KIF3C: variants seen among roughly 807,000 people sequenced by gnomAD.
The protein encoded by KIF3C is kinesin family member 3C.
Under a neutral mutation model 67.7 loss-of-function variants are expected in KIF3C, and 12 were observed. The ratio of observed to expected loss-of-function variants is 0.18; its 90% confidence interval spans 0.11 to 0.29. The LOEUF (loss-of-function observed/expected upper bound fraction) is 0.29. KIF3C is among the 10% of genes least tolerant of loss of function. The pLI is 1.00. For synonymous variants in KIF3C, 393 were observed against 426.2 expected, an observed-to-expected ratio of 0.92 and a Z score of 0.96; for missense variants, 789 against 1,059.6, an observed-to-expected ratio of 0.74 and a Z score of 3.55.
At chr2:25,960,244 A>C (rs1338196425) in intron 1 of KIF3C, among the ~76,000 whole-genome samples, 1 of 152,132 alleles carries the variant, frequency 6.6e-6, no homozygotes, top group Non-Finnish European at 1.5e-5. Flanking sequence ...TCTCAAAAAT[A>C]AATAAGCAAA....
At chr2:25,969,654 G>A (rs1254357912) in intron 1 of KIF3C, among the ~76,000 whole-genome samples, 2 of 151,898 alleles carry the variant, frequency 1.3e-5, no homozygotes, top group African/African-American at 4.8e-5. Flanking sequence ...AGAATTTAAA[G>A]ATGAAGTTAA....
chr2:25,974,657 T>C (rs1010020957), intron 1 of KIF3C, among the ~76,000 whole-genome samples: 2 of 152,024 alleles, frequency 1.3e-5, no homozygotes, highest in Non-Finnish European at 2.9e-5. Flanking sequence ...GCACTTCATA[T>C]AATAAGGCCA....
intron 1 of KIF3C, among the ~76,000 whole-genome samples, chr2:25,959,278 C>G (rs1663885755): frequency 6.6e-6 from 1 of 152,148 alleles, no homozygotes; most frequent in African/African-American, 2.4e-5. Flanking sequence ...CCTACTATTT[C>G]TCATAATAGA....
At chr2:25,965,598 C>T (rs909858177) in intron 1 of KIF3C, among the ~76,000 whole-genome samples, 10 of 151,816 alleles carry the variant, frequency 6.6e-5, no homozygotes, top group Non-Finnish European at 1.5e-5. Context: ...CAAATAGCCG[C>T]ATGAGCCACC....
At chr2:25,949,015 AATC>A (rs1034563221) in intron 5 of KIF3C, among the ~76,000 whole-genome samples, 3 of 152,236 alleles carry the variant, frequency 2.0e-5, no homozygotes, top group Non-Finnish European at 2.9e-5. Context: ...GAGGGAGGGA[AATC>A]ATCATAAAGG....
intron 5 of KIF3C, chr2:25,938,155 G>T (rs1663187421): frequency 4.2e-5 from 15 of 357,132 alleles, no homozygotes; most frequent in South Asian, 2.7e-4. Flanking sequence ...CTGAGGTCAG[G>T]AGTTCAAGAC....
At chr2:25,944,262 C>G (rs2149227438) in intron 5 of KIF3C, among the ~76,000 whole-genome samples, 1 of 149,146 alleles carries the variant, frequency 6.7e-6, no homozygotes, top group Admixed American at 6.7e-5. Context: ...TCTTGGAATT[C>G]TTTATTATAT....
At chr2:25,944,426 G>C (rs1385277310) in intron 5 of KIF3C, among the ~76,000 whole-genome samples, 2 of 147,054 alleles carry the variant, frequency 1.4e-5, no homozygotes, top group African/African-American at 5.1e-5. Flanking sequence ...TCACAGCTCA[G>C]TGAAGCCTCA....
rs1409086194 is a variant in KIF3C at position 25,930,613 on chromosome 2, C to A, written c.2007-550G>T. Among the ~76,000 whole-genome samples, 4 of 152,180 alleles carry A rather than the reference C, an allele frequency of 2.6e-5. No individual in the cohort carries two copies. The East Asian group carries it at 7.7e-4, about 29-fold the overall frequency. On this transcript the variant is annotated intron_variant, in intron 5 of 7. Transcript: ENST00000264712. ...AGTGCAATGGCATGATCTTGGCTCA[C>A]CACAACCTCTGCCTCCCGGGTTCAA...
chr2:25,941,339 A>G (rs1574481294), intron 5 of KIF3C, among the ~76,000 whole-genome samples: 1 of 152,014 alleles, frequency 6.6e-6, no homozygotes, highest in East Asian at 1.9e-4. Context: ...AAAAGAATCT[A>G]GGGTGGCTGG....
At position 25,981,870 on chromosome 2, in the gene KIF3C, C is replaced by G; in HGVS notation, c.48G>C (p.Arg16=). The G allele has an allele frequency of 1.3e-6, 2 of 1,593,694 alleles. No homozygotes were observed. The highest frequency in any genetic ancestry group is 1.7e-6 in the Non-Finnish European group (2 of 1,170,266). The part of the protein sequence containing the change: ...KASEALKVVA[R]CRPLSRKEEA... ...CCTCCTTCCTGCTGAGGGGGCGGCA[C>G]CGGGCCACCACCTTGAGGGCCTCGC... The change falls in exon 1 of 8, where the codon CGG becomes CGC. Residue 16 remains arginine (R), a synonymous_variant. Coordinates refer to ENST00000264712, the MANE Select transcript of KIF3C (RefSeq NM_002254.8). The surrounding 1 kb of genome is among the most constrained non-coding windows in gnomAD (Gnocchi z 8.2).
chr2:25,949,607 T>C (rs553695799), intron 5 of KIF3C, among the ~76,000 whole-genome samples: 20 of 152,106 alleles, frequency 1.3e-4, no homozygotes, highest in African/African-American at 4.6e-4. Context: ...CCACAACTAG[T>C]TGAGCACATT....
intron 1 of KIF3C, among the ~76,000 whole-genome samples, chr2:25,975,098 T>G (rs1191708873): frequency 2.0e-5 from 3 of 151,018 alleles, no homozygotes; most frequent in Non-Finnish European, 4.4e-5. Flanking sequence ...CTGGCCCAAC[T>G]CCAGCTGCCC....
intron 5 of KIF3C, among the ~76,000 whole-genome samples, chr2:25,936,036 A>G (rs1422740633): frequency 6.6e-6 from 1 of 151,924 alleles, no homozygotes; most frequent in Non-Finnish European, 1.5e-5. Context: ...GTAGTGAGCC[A>G]ACATCACGCC....
chr2:25,974,844 T>C (rs898523622), intron 1 of KIF3C, among the ~76,000 whole-genome samples: 4 of 151,832 alleles, frequency 2.6e-5, no homozygotes, highest in Non-Finnish European at 2.9e-5. Flanking sequence ...CTGACCAACA[T>C]GGAGAAACCC....
rs1663780211 is a variant in KIF3C at position 25,955,395 on chromosome 2, T to G, written c.1770+146A>C. On this transcript the variant is annotated intron_variant, in intron 3 of 7. Coordinates refer to ENST00000264712, the MANE Select transcript of KIF3C (RefSeq NM_002254.8). This position sits in a 1 kb window ranked among gnomAD's most constrained non-coding sequence, Gnocchi z 5.0. ...CCAGCCCCCGCCTCCTGCCTCCCCC[T>G]GTTGCTCACCCCCGAGGCCAAGCCA... 2.1e-5 allele frequency: 16 copies of G among 753,960 alleles called. No homozygotes were observed. The highest frequency in any genetic ancestry group is 3.6e-5 in the African/African-American group (2 of 55,872). The allele number at this position is 753,960 out of a possible 1,614,324, so 46.7% of individuals were successfully genotyped here.
intron 5 of KIF3C, among the ~76,000 whole-genome samples, chr2:25,931,904 G>C (rs561281216): frequency 6.7e-6 from 1 of 148,882 alleles, no homozygotes; most frequent in South Asian, 2.2e-4. Context: ...AAAGTACTGG[G>C]ATTACAGACG....
chr2:25,947,882 A>C (rs1018068835), intron 5 of KIF3C, among the ~76,000 whole-genome samples: 1 of 152,176 alleles, frequency 6.6e-6, no homozygotes, highest in Non-Finnish European at 1.5e-5. Context: ...AAAGGAAGAA[A>C]GTAAATTAAA....
chr2:25,962,986 A>G, intron 1 of KIF3C, among the ~76,000 whole-genome samples: 1 of 54,434 alleles, frequency 1.8e-5, no homozygotes, highest in Non-Finnish European at 2.7e-5. Flanking sequence ...TATATAATAT[A>G]TAATATATAT....
Sources: allele counts gnomAD v4.1 joint callset (sites outside exome capture counted in the v4.1 genomes callset), GRCh38; gene constraint gnomAD v4.1.1; non-coding constraint Gnocchi (gnomAD v3.1); transcripts MANE v1.5; gene names NCBI Gene and HGNC (gene_info 2026-07-23, HGNC 2026-07-21).